Variants in BCL2 observed in about 807,000 individuals in gnomAD.
BCL2 encodes the protein apoptosis regulator Bcl-2.
Under a neutral mutation model 14.2 loss-of-function variants are expected in BCL2, and 1 was observed. The ratio of observed to expected loss-of-function variants is 0.07; its 90% CI spans 0.02 to 0.33. The LOEUF (loss-of-function observed/expected upper bound fraction) is 0.33. BCL2 is among the 10% of genes least tolerant of loss of function. The pLI is 0.99. For missense variants in BCL2, 247 were observed against 305.9 expected (o/e 0.81, Z 1.44); for synonymous variants, 151 against 137.2 (o/e 1.10, Z -0.70).
chr18:63,288,578 T>C (rs1276040713), intron 2 of BCL2, among the ~76,000 whole-genome samples: 4 of 152,228 alleles, frequency 2.6e-5, no homozygotes, highest in Non-Finnish European at 5.9e-5. Flanking sequence ...CACATAGGGC[T>C]GAAATCAAGG....
chr18:63,130,041 T>C (rs186765142), intron 2 of BCL2, among the ~76,000 whole-genome samples: 20 of 152,314 alleles, frequency 1.3e-4, no homozygotes, highest in Admixed American at 5.2e-4. Context: ...GGGTCTGTAG[T>C]GTGTTGTAGC....
chr18:63,240,748 T>C (rs1910978055), intron 2 of BCL2, among the ~76,000 whole-genome samples: 1 of 152,232 alleles, frequency 6.6e-6, no homozygotes, highest in African/African-American at 2.4e-5. Flanking sequence ...TTCTTGTCTG[T>C]AGTACGTGCT....
chr18:63,286,597 T>C (rs1460465279), intron 2 of BCL2, among the ~76,000 whole-genome samples: 2 of 152,002 alleles, frequency 1.3e-5, no homozygotes, highest in Non-Finnish European at 2.9e-5. Flanking sequence ...AGGTCAGCTG[T>C]ACACCAAACT....
At chr18:63,216,862 G>A (rs545695306) in intron 2 of BCL2, among the ~76,000 whole-genome samples, 3 of 152,306 alleles carry the variant, frequency 2.0e-5, no homozygotes, top group Admixed American at 6.5e-5. Context: ...TCCATGTTAG[G>A]ATAAATTAAT....
At chr18:63,151,149 T>A (rs1429594282) in intron 2 of BCL2, 1 of 152,146 alleles carries the variant, frequency 6.6e-6, no homozygotes, top group Non-Finnish European at 1.5e-5. Context: ...CATAGATTGG[T>A]CAAATTCGTC....
chr18:63,282,335 T>C (rs1309285549), intron 2 of BCL2, among the ~76,000 whole-genome samples: 1 of 152,222 alleles, frequency 6.6e-6, no homozygotes, highest in African/African-American at 2.4e-5. Flanking sequence ...CTAGCAGTTA[T>C]TTCTCTCATG....
chr18:63,318,906 T>A lies in BCL2; in HGVS notation c.-240A>T. ...TCGGATCTTTATTTCATGAGGCACG[T>A]TATTATTAGTAAGTATTGTTAATAT... On this transcript the variant is annotated 5_prime_UTR_variant, in exon 2 of 3. Transcript: ENST00000333681. This position sits in a 1 kb window ranked among gnomAD's most constrained non-coding sequence, Gnocchi z 7.4. 1 of 1,408,044 alleles carries A rather than the reference T, an allele frequency of 7.1e-7. No homozygotes were observed. Among genetic ancestry groups the A allele is most frequent in the Non-Finnish European group, 9.3e-7 (1 of 1,077,168 alleles). 87.2% of individuals were successfully genotyped at this position (1,408,044 alleles called of 1,614,324 possible). A position where few individuals can be genotyped will look rare whatever the true frequency, so the allele number is the denominator to read the frequency against.
chr18:63,182,538 T>G (rs79432148), intron 2 of BCL2, among the ~76,000 whole-genome samples: 220 of 152,244 alleles, frequency 1.4e-3, no homozygotes, highest in African/African-American at 5.1e-3. Flanking sequence ...GCTGCTCCCT[T>G]GAGACCGGGG....
At chr18:63,161,616 G>A (rs1914923442) in intron 2 of BCL2, among the ~76,000 whole-genome samples, 1 of 152,166 alleles carries the variant, frequency 6.6e-6, no homozygotes, top group African/African-American at 2.4e-5. Flanking sequence ...TTAATCAAGG[G>A]TCCTAGGGCC....
chr18:63,128,746 T>C lies in BCL2; in HGVS notation c.599A>G (p.Glu200Gly). 1.3e-6 allele frequency: 1 copy of C among 780,386 alleles called. No homozygotes were observed. Among genetic ancestry groups the C allele is most frequent in the Non-Finnish European group, 2.4e-6 (1 of 417,886 alleles). 48.3% of individuals were successfully genotyped at this position (780,386 alleles called of 1,614,324 possible). ...AGGCCGCATGCTGGGGCCGTACAGTTCCACAAAGGCATCCTGCAGTTGGGG... is the reference window on the plus strand; with the variant it reads ...AGGCCGCATGCTGGGGCCGTACAGTCCCACAAAGGCATCCTGCAGTTGGGG... ...QDNGGWDAFVELYGPSMRPLF... is the reference protein window; with the variant it reads ...QDNGGWDAFVGLYGPSMRPLF... The change falls in exon 3 of 3, where the codon GAA (glutamate) becomes GGA (glycine). Residue 200 changes from glutamate to glycine, a missense_variant. Transcript: ENST00000333681.
In BCL2 at chr18:63,219,252, G is replaced by A. The variant is rs7237139; in HGVS notation, c.586-90493C>T. ...ACAGCCTTCTCTCACCTCAGTCCTA[G>A]AGAAAAATCTTATTTTTCAAACCTA... On this transcript the variant is annotated intron_variant, in intron 2 of 2. Transcript: ENST00000333681. Among the ~76,000 whole-genome samples, 719 of 152,122 alleles carry A rather than the reference G, an allele frequency of 4.7e-3. 7 individuals carry two copies. The highest frequency in any genetic ancestry group is 0.016 in the African/African-American group (678 of 41,500).
At position 63,124,809 on chromosome 18, in the gene BCL2, C is replaced by G. The variant is rs1190143766; in HGVS notation, c.*3816G>C. The G allele has an allele frequency of 4.4e-6, 1 of 229,410 alleles. No individual in the cohort carries two copies. Among genetic ancestry groups the G allele is most frequent in the Admixed American group, 5.7e-5 (1 of 17,658 alleles). 14.2% of individuals were successfully genotyped at this position (229,410 alleles called of 1,614,324 possible). Reference sequence around the variant, plus strand: ...AAGATCAGAATAGAATTTCAACTGACTCCCTAATTTCCTTAGAATGGCTTG... The same window carrying G: ...AAGATCAGAATAGAATTTCAACTGAGTCCCTAATTTCCTTAGAATGGCTTG... On this transcript the variant is annotated 3_prime_UTR_variant, in exon 3 of 3. Transcript: ENST00000333681.
intron 2 of BCL2, among the ~76,000 whole-genome samples, chr18:63,295,425 A>G (rs1159313536): frequency 6.6e-6 from 1 of 152,120 alleles, no homozygotes; most frequent in Non-Finnish European, 1.5e-5. Flanking sequence ...CAGCAGAAAG[A>G]GCAGCAGTGA....
intron 2 of BCL2, among the ~76,000 whole-genome samples, chr18:63,227,549 A>G (rs1004011179): frequency 6.6e-6 from 1 of 152,256 alleles, no homozygotes; most frequent in Non-Finnish European, 1.5e-5. Context: ...AACAACTGTC[A>G]AAACAATAGG....
At chr18:63,291,584 A>C (rs1422305093) in intron 2 of BCL2, among the ~76,000 whole-genome samples, 5 of 152,330 alleles carry the variant, frequency 3.3e-5, no homozygotes, top group African/African-American at 1.2e-4. Context: ...TTTAAACCAA[A>C]GTGTACCATC....
intron 2 of BCL2, among the ~76,000 whole-genome samples, chr18:63,254,383 T>TAAAA (rs71162613): frequency 0.43 from 16,647 of 38,380 alleles, 6,698 homozygotes; most frequent in Middle Eastern, 0.58. Context: ...CTGTCTTTGC[T>TAAAA]AAAAAAAAAA....
At position 63,128,559 on chromosome 18, in the gene BCL2, A is replaced by C; in HGVS notation, c.*66T>G. On this transcript the variant is annotated 3_prime_UTR_variant, in exon 3 of 3. Coordinates refer to ENST00000333681, the MANE Select transcript of BCL2 (RefSeq NM_000633.3). ...CTTTGTTTCATGGTACATCACTGAC[A>C]ATGCATATTATTTCTACTGCTTTAG... The C allele has an allele frequency of 1.3e-6, 1 of 758,124 alleles. No homozygotes were observed. Among genetic ancestry groups the C allele is most frequent in the East Asian group, 2.4e-5 (1 of 40,888 alleles). The allele number at this position is 758,124 out of a possible 1,614,324, so 47.0% of individuals were successfully genotyped here.
intron 2 of BCL2, among the ~76,000 whole-genome samples, chr18:63,155,172 A>G (rs1914744064): frequency 6.6e-6 from 1 of 152,166 alleles, no homozygotes; most frequent in African/African-American, 2.4e-5. Context: ...CGTCTGGTGG[A>G]GGTCGGCACA....
chr18:63,222,736 G>A (rs923647262), intron 2 of BCL2, among the ~76,000 whole-genome samples: 2 of 152,118 alleles, frequency 1.3e-5, no homozygotes, highest in African/African-American at 4.8e-5. Flanking sequence ...ATCTAATATG[G>A]CTTTCACCTG....
Sources: gnomAD v4.1 joint callset for allele counts (sites outside exome capture counted in the v4.1 genomes callset) on GRCh38, gnomAD v4.1.1 for gene constraint, Gnocchi (gnomAD v3.1) non-coding constraint, MANE v1.5 for transcripts, NCBI Gene and HGNC (gene_info 2026-07-23, HGNC 2026-07-21) for gene names.